MEIS1: variants seen among roughly 807,000 people sequenced by gnomAD.
MEIS1 encodes homeobox protein Meis1.
MEIS1 carries 5 observed loss-of-function variants against 50.8 expected under a neutral mutation model. That is an observed-to-expected ratio of 0.10 (90% CI 0.05 to 0.21). The LOEUF (loss-of-function observed/expected upper bound fraction) is 0.21, where lower values mean the gene tolerates loss of function less well. Among genes scored for constraint, MEIS1 ranks in the 10% least tolerant of loss-of-function variants. The probability of loss-of-function intolerance (pLI) is 1.00; values close to 1 mark genes in which losing one functional copy is unlikely to be tolerated. For missense variants in MEIS1, 318 were observed against 517.3 expected, an observed-to-expected ratio of 0.61 and a Z score of 3.74; for synonymous variants, 176 against 179.3, an observed-to-expected ratio of 0.98 and a Z score of 0.15.
At chr2:66,535,120 T>C (rs1250284148) in intron 8 of MEIS1, among the ~76,000 whole-genome samples, 1 of 152,112 alleles carries the variant, frequency 6.6e-6, no homozygotes, top group African/African-American at 2.4e-5. Context: ...AAGATAAACT[T>C]TGAGCTTCAG....
intron 9 of MEIS1, among the ~76,000 whole-genome samples, chr2:66,557,762 G>A (rs1168237516): frequency 2.6e-5 from 4 of 151,974 alleles, no homozygotes; most frequent in Admixed American, 2.6e-4. Context: ...AAGTATTTTT[G>A]GGAATGACAG....
At chr2:66,546,995 A>G (rs1674808312) in intron 8 of MEIS1, among the ~76,000 whole-genome samples, 2 of 152,182 alleles carry the variant, frequency 1.3e-5, no homozygotes, top group African/African-American at 4.8e-5. Context: ...CATTCATAAT[A>G]GAATAGAGGG....
At position 66,435,522 on chromosome 2, in the gene MEIS1, AG is replaced by A. The variant is rs1671777886; in HGVS notation, c.-331del. ...CCATGAGATTTGGTAGTTGGGTCTGAGGGGCGCTCTTTTTTTTCCTTTTCTT... is the reference window on the plus strand; with the variant it reads ...CCATGAGATTTGGTAGTTGGGTCTGAGGGCGCTCTTTTTTTTCCTTTTCTT... On this transcript the variant is annotated 5_prime_UTR_variant, in exon 1 of 13. Transcript: ENST00000272369. 4 of 385,748 alleles carry A rather than the reference AG, an allele frequency of 1.0e-5. No individual in the cohort carries two copies. Among genetic ancestry groups the A allele is most frequent in the Non-Finnish European group, 1.8e-5 (4 of 221,212 alleles). The allele number at this position is 385,748 out of a possible 1,614,324, so 23.9% of individuals were successfully genotyped here. A position where few individuals can be genotyped will look rare whatever the true frequency, so the allele number is the denominator to read the frequency against.
At chr2:66,438,069 C>T (rs1411692282) in intron 2 of MEIS1, 106 bp downstream of exon 2, 50 of 1,020,192 alleles carry the variant, frequency 4.9e-5, no homozygotes, top group Non-Finnish European at 7.0e-5. Context: ...GGAGGTACAT[C>T]TTTGGTGACT....
intron 1 of MEIS1, chr2:66,436,822 A>G (rs1262847901): frequency 6.3e-6 from 6 of 949,204 alleles, no homozygotes; most frequent in Admixed American, 6.2e-5. Context: ...AGAAAAACCT[A>G]AATAGCTAAA....
chr2:66,514,785 C>T (rs1346867282), intron 8 of MEIS1, among the ~76,000 whole-genome samples: 2 of 152,214 alleles, frequency 1.3e-5, no homozygotes, highest in Admixed American at 1.3e-4. Flanking sequence ...TTCCTTCCCA[C>T]TTCTCTAATT....
intron 8 of MEIS1, among the ~76,000 whole-genome samples, chr2:66,539,422 C>T (rs1274656127): frequency 1.3e-5 from 2 of 152,048 alleles, no homozygotes; most frequent in Admixed American, 6.5e-5. Flanking sequence ...ATTAACTCAC[C>T]AGGAGTCAGT....
intron 8 of MEIS1, among the ~76,000 whole-genome samples, chr2:66,541,783 G>A (rs529392052): frequency 1.3e-5 from 2 of 152,292 alleles, no homozygotes; most frequent in South Asian, 2.1e-4. Context: ...TTTGATTCCA[G>A]CATGTGCGAG....
In MEIS1 at chr2:66,464,052, T is replaced by C. The variant is rs1672581042; in HGVS notation, c.631-57T>C. 7 of 1,279,278 alleles carry C rather than the reference T, an allele frequency of 5.5e-6. No individual in the cohort carries two copies. The East Asian group carries it at 1.5e-4, about 28-fold the overall frequency. The allele number at this position is 1,279,278 out of a possible 1,614,324, so 79.2% of individuals were successfully genotyped here. On this transcript the variant is annotated intron_variant, in intron 6 of 12. Coordinates refer to ENST00000272369, the MANE Select transcript of MEIS1 (RefSeq NM_002398.3). ...GCTTTGTCATTATGCCATGGGATCCTACCAATAAGGGTTCACAGATGCCTC... is the reference window on the plus strand; with the variant it reads ...GCTTTGTCATTATGCCATGGGATCCCACCAATAAGGGTTCACAGATGCCTC...
At chr2:66,531,414 T>C (rs1349726867) in intron 8 of MEIS1, among the ~76,000 whole-genome samples, 2 of 152,194 alleles carry the variant, frequency 1.3e-5, no homozygotes, top group Non-Finnish European at 2.9e-5. Flanking sequence ...CAAGCAAACA[T>C]GCTCACAGAA....
chr2:66,486,417 G>T (rs1281380064), intron 7 of MEIS1, among the ~76,000 whole-genome samples: 1 of 152,092 alleles, frequency 6.6e-6, no homozygotes, highest in African/African-American at 2.4e-5. Flanking sequence ...TAGAGGTGTG[G>T]TGTTATTTCT....
rs893134520 is a variant in MEIS1 at position 66,572,154 on chromosome 2, A to G, written c.*946A>G. Reference sequence around the variant, plus strand: ...AAAACTGCAGTCATCAACAATGATTAATCAGCTGTTGCAGGCAGTGTCTTA... The same window carrying G: ...AAAACTGCAGTCATCAACAATGATTGATCAGCTGTTGCAGGCAGTGTCTTA... On this transcript the variant is annotated 3_prime_UTR_variant, in exon 13 of 13. Coordinates refer to ENST00000272369, the MANE Select transcript of MEIS1 (RefSeq NM_002398.3). 1 of 152,752 alleles carries G rather than the reference A, an allele frequency of 6.5e-6. No individual in the cohort carries two copies. Among genetic ancestry groups the G allele is most frequent in the African/African-American group, 2.4e-5 (1 of 41,458 alleles). The allele number at this position is 152,752 out of a possible 1,614,324, so 9.5% of individuals were successfully genotyped here.
chr2:66,492,781 C>T (rs1251686451), intron 7 of MEIS1, among the ~76,000 whole-genome samples: 2 of 152,118 alleles, frequency 1.3e-5, no homozygotes, highest in Admixed American at 1.3e-4. Flanking sequence ...GGCTCTGGGT[C>T]ATTTGGAATA....
rs185458730 is a variant in MEIS1, at chr2:66,465,592, A to T, written c.742+1372A>T. Among the ~76,000 whole-genome samples, 788 of 152,270 alleles carry T rather than the reference A, an allele frequency of 5.2e-3. 5 individuals carry two copies. Among genetic ancestry groups the T allele is most frequent in the African/African-American group, 0.018 (738 of 41,550 alleles). The stretch of plus-strand genomic sequence containing the variant: ...TCAAAAAGGTGTAAATGGAATATAA[A>T]TTCTTTTTCCTGTAGCCCAAAATTG... On this transcript the variant is annotated intron_variant, in intron 7 of 12. Coordinates refer to ENST00000272369, the MANE Select transcript of MEIS1 (RefSeq NM_002398.3).
At chr2:66,479,259 A>G (rs1672963925) in intron 7 of MEIS1, among the ~76,000 whole-genome samples, 1 of 152,262 alleles carries the variant, frequency 6.6e-6, no homozygotes, top group Non-Finnish European at 1.5e-5. Context: ...AGTTGAGCTG[A>G]TAAGGGCTAT....
intron 7 of MEIS1, among the ~76,000 whole-genome samples, chr2:66,485,000 G>A (rs1036304834): frequency 2.0e-5 from 3 of 151,908 alleles, no homozygotes; most frequent in African/African-American, 7.3e-5. Flanking sequence ...TTTTTTGGGG[G>A]GAAGTTTTAT....
At chr2:66,495,450 G>T (rs1424711390) in intron 7 of MEIS1, among the ~76,000 whole-genome samples, 1 of 152,064 alleles carries the variant, frequency 6.6e-6, no homozygotes, top group Non-Finnish European at 1.5e-5. Flanking sequence ...GGAACTTATT[G>T]CCCCAAATAT....
intron 9 of MEIS1, among the ~76,000 whole-genome samples, chr2:66,562,590 C>T (rs1048960680): frequency 7.2e-5 from 11 of 152,028 alleles, no homozygotes; most frequent in Non-Finnish European, 1.5e-4. Flanking sequence ...TTTTGCTCCC[C>T]TGCCAACTTT....
intron 7 of MEIS1, among the ~76,000 whole-genome samples, chr2:66,507,906 C>T (rs1673723105): frequency 6.6e-6 from 1 of 152,254 alleles, no homozygotes; most frequent in African/African-American, 2.4e-5. Context: ...CACAGGTCAC[C>T]TGCCTTGCTC....
Sources: allele counts gnomAD v4.1 joint callset (sites outside exome capture counted in the v4.1 genomes callset), GRCh38; gene constraint gnomAD v4.1.1; transcripts MANE v1.5; gene names NCBI Gene and HGNC (gene_info 2026-07-23, HGNC 2026-07-21).